Variants in SIPA1L1 observed in about 807,000 individuals in gnomAD.
The protein encoded by SIPA1L1 is signal induced proliferation associated 1 like 1.
Under a neutral mutation model 162.7 loss-of-function variants are expected in SIPA1L1, and 26 were observed. That is an observed-to-expected ratio of 0.16 (90% CI 0.12 to 0.22). SIPA1L1 has a LOEUF of 0.22. Ranked by LOEUF, SIPA1L1 falls within the 10% of genes least tolerant of loss-of-function variation. The pLI is 1.00. For missense variants in SIPA1L1, 1,874 were observed against 2,241.0 expected, an observed-to-expected ratio of 0.84 and a Z score of 3.31; for synonymous variants, 829 against 837.4, an observed-to-expected ratio of 0.99 and a Z score of 0.17.
chr14:71,389,070 G>T (rs1057387829), intron 2 of SIPA1L1, among the ~76,000 whole-genome samples: 2 of 152,104 alleles, frequency 1.3e-5, no homozygotes, highest in African/African-American at 4.8e-5. Context: ...ATGAGCCACC[G>T]TGCCTGACCT....
chr14:71,409,916 C>T (rs769448686), intron 2 of SIPA1L1, among the ~76,000 whole-genome samples: 6 of 152,158 alleles, frequency 3.9e-5, no homozygotes, highest in South Asian at 4.1e-4. Flanking sequence ...ATAAGGTTTA[C>T]GGGGCTTGCT....
At chr14:71,513,256 G>A (rs1370656032) in intron 3 of SIPA1L1, among the ~76,000 whole-genome samples, 2 of 152,094 alleles carry the variant, frequency 1.3e-5, no homozygotes, top group Non-Finnish European at 2.9e-5. Flanking sequence ...TCTGGTTGGT[G>A]TCTTGGTGTC....
intron 4 of SIPA1L1, among the ~76,000 whole-genome samples, chr14:71,557,674 T>C (rs1051871867): frequency 8.5e-5 from 13 of 152,214 alleles, no homozygotes; most frequent in African/African-American, 2.9e-4. Flanking sequence ...AAACTAGTCA[T>C]GATTGACTCC....
intron 7 of SIPA1L1, among the ~76,000 whole-genome samples, chr14:71,627,821 T>C (rs1198397806): frequency 6.6e-6 from 1 of 152,214 alleles, no homozygotes; most frequent in Non-Finnish European, 1.5e-5. Flanking sequence ...CCCTGAGCAC[T>C]GGATATAAAT....
At chr14:71,555,906 T>A (rs1426312168) in intron 4 of SIPA1L1, among the ~76,000 whole-genome samples, 1 of 152,204 alleles carries the variant, frequency 6.6e-6, no homozygotes, top group Non-Finnish European at 1.5e-5. Context: ...GTGCAGTTTG[T>A]GGCATTCCCC....
chr14:71,574,356 C>T (rs554378763), intron 4 of SIPA1L1: 3 of 152,524 alleles, frequency 2.0e-5, no homozygotes, highest in African/African-American at 7.2e-5. Flanking sequence ...CTCACGAGAA[C>T]CCGGTGCATT....
intron 5 of SIPA1L1, among the ~76,000 whole-genome samples, chr14:71,591,097 A>G (rs1281161732): frequency 6.6e-6 from 1 of 152,152 alleles, no homozygotes; most frequent in East Asian, 1.9e-4. Flanking sequence ...ACACTGAAAC[A>G]TATTAGTTAT....
Position 71,739,035 on chromosome 14 carries a change from T to C in SIPA1L1, c.5226T>C (p.Ala1742=). 3 of 1,613,580 alleles carry C rather than the reference T, an allele frequency of 1.9e-6. No individual in the cohort carries two copies. Among genetic ancestry groups the C allele is most frequent in the Non-Finnish European group, 2.5e-6 (3 of 1,179,664 alleles). Residue 1742 remains alanine, a synonymous_variant, in exon 24 of 24, where the codon GCT becomes GCC. Coordinates refer to ENST00000381232, the MANE Select transcript of SIPA1L1 (RefSeq NM_001386936.1). ...CCTCCCAGGAAAAAGAAGACAAAGC[T>C]CACCTTCAGGCGGAGGTGCAGCACC... ...EDLKKEKEDK[A]HLQAEVQHLR...
At chr14:71,431,884 C>T (rs1395270840) in intron 2 of SIPA1L1, among the ~76,000 whole-genome samples, 1 of 152,032 alleles carries the variant, frequency 6.6e-6, no homozygotes, top group African/African-American at 2.4e-5. Context: ...TGTGTGTACA[C>T]AGAAGCTTTC....
chr14:71,402,596 G>A (rs536587819), intron 2 of SIPA1L1, among the ~76,000 whole-genome samples: 24 of 152,002 alleles, frequency 1.6e-4, no homozygotes, highest in African/African-American at 4.6e-4. Context: ...TGATCTGCCC[G>A]CCTTGGCCTC....
intron 3 of SIPA1L1, among the ~76,000 whole-genome samples, chr14:71,518,055 G>A (rs888378963): frequency 3.3e-5 from 5 of 151,892 alleles, no homozygotes; most frequent in South Asian, 2.1e-4. Flanking sequence ...AGGCTGAGGC[G>A]GGTGAATCAC....
At chr14:71,483,478 G>C (rs1233721870) in intron 2 of SIPA1L1, among the ~76,000 whole-genome samples, 7 of 152,108 alleles carry the variant, frequency 4.6e-5, no homozygotes, top group Admixed American at 4.6e-4. Flanking sequence ...TATTCTTCTG[G>C]AGCCACTGAT....
At chr14:71,434,188 G>C (rs1383958277) in intron 2 of SIPA1L1, among the ~76,000 whole-genome samples, 1 of 152,154 alleles carries the variant, frequency 6.6e-6, no homozygotes, top group Non-Finnish European at 1.5e-5. Context: ...CAGATTCTTT[G>C]AGTACAGAGA....
intron 3 of SIPA1L1, among the ~76,000 whole-genome samples, chr14:71,516,933 G>A (rs1013871076): frequency 3.3e-5 from 5 of 152,092 alleles, no homozygotes; most frequent in African/African-American, 4.8e-5. Flanking sequence ...AGGTTTCATC[G>A]TTGCACTCCA....
chr14:71,345,729 G>C (rs1288604532), intron 2 of SIPA1L1, among the ~76,000 whole-genome samples: 1 of 150,436 alleles, frequency 6.6e-6, no homozygotes, highest in Non-Finnish European at 1.5e-5. Context: ...CATCACTCCC[G>C]GCTAATTTTT....
chr14:71,441,713 G>T (rs566198658), intron 2 of SIPA1L1, among the ~76,000 whole-genome samples: 4 of 152,300 alleles, frequency 2.6e-5, no homozygotes, highest in African/African-American at 9.6e-5. Context: ...TACTATAGTG[G>T]ATGGAAAGAC....
Position 71,440,646 on chromosome 14 carries a change from C to CAA in SIPA1L1, c.-464-72072_-464-72071dup, listed in dbSNP as rs397853535. Among the ~76,000 whole-genome samples, 241 of 55,668 alleles carry CAA rather than the reference C, an allele frequency of 4.3e-3. 8 individuals are homozygous for CAA. Among genetic ancestry groups the CAA allele is most frequent in the East Asian group, 7.3e-3 (11 of 1,516 alleles). 36.5% of individuals were successfully genotyped at this position (55,668 alleles called of 152,430 possible). A position where few individuals can be genotyped will look rare whatever the true frequency, so the allele number is the denominator to read the frequency against. On this transcript the variant is annotated intron_variant, in intron 2 of 23. Transcript: ENST00000381232. ...CTTGGGTGACAGTGAGAACCCATCT[C>CAA]AAAAAAAAAAAAAAAAAAAAAAAAA...
At chr14:71,507,709 T>A (rs1329729370) in intron 2 of SIPA1L1, among the ~76,000 whole-genome samples, 1 of 152,238 alleles carries the variant, frequency 6.6e-6, no homozygotes, top group Non-Finnish European at 1.5e-5. Context: ...TTTCCTAAAG[T>A]TCCTTCATTA....
chr14:71,451,312 T>C (rs2045802961), intron 2 of SIPA1L1, among the ~76,000 whole-genome samples: 1 of 152,052 alleles, frequency 6.6e-6, no homozygotes, highest in Non-Finnish European at 1.5e-5. Flanking sequence ...ATAGGAAGAA[T>C]AAATTAATAG....
Sources: allele counts gnomAD v4.1 joint callset (sites outside exome capture counted in the v4.1 genomes callset), GRCh38; gene constraint gnomAD v4.1.1; transcripts MANE v1.5; gene names NCBI Gene and HGNC (gene_info 2026-07-23, HGNC 2026-07-21).